Variants in ARHGEF28 observed in about 807,000 individuals in gnomAD.
ARHGEF28 encodes the protein 190 kDa guanine nucleotide exchange factor.
ARHGEF28 carries 152 observed loss-of-function variants against 206.6 expected under a neutral mutation model. The ratio of observed to expected loss-of-function variants is 0.74; its 90% CI spans 0.64 to 0.84. The LOEUF (loss-of-function observed/expected upper bound fraction) is 0.84, where lower values mean the gene tolerates loss of function less well. Ranked by LOEUF, ARHGEF28 falls within the 40% of genes least tolerant of loss-of-function variation. The pLI is 0.00. For synonymous variants in ARHGEF28, 763 were observed against 776.4 expected (o/e 0.98, Z 0.29); for missense variants, 2,028 against 2,073.2 (o/e 0.98, Z 0.42).
intron 11 of ARHGEF28, 96 bp from the exon 12 acceptor site, chr5:73,846,172 G>T (rs552126304): frequency 9.5e-7 from 1 of 1,053,432 alleles, no homozygotes; most frequent in African/African-American, 1.6e-5. Flanking sequence ...CACCCCCCCC[G>T]CCCCAGTGAA....
At chr5:73,932,800 CTTTTTTTTT>C (rs386404110) in intron 35 of ARHGEF28, among the ~76,000 whole-genome samples, 139 of 73,418 alleles carry the variant, frequency 1.9e-3, no homozygotes, top group African/African-American at 7.4e-3. Flanking sequence ...TTTCCTATTT[CTTTTTTTTT>C]TTTTTTTTTT....
intron 1 of ARHGEF28, among the ~76,000 whole-genome samples, chr5:73,656,080 T>C (rs1315560373): frequency 6.6e-6 from 1 of 152,228 alleles, no homozygotes; most frequent in Admixed American, 6.5e-5. Context: ...AGGCAGCACC[T>C]GCTGTTCCAG....
chr5:73,876,892 T>G (rs928287226), intron 22 of ARHGEF28, among the ~76,000 whole-genome samples: 1 of 146,820 alleles, frequency 6.8e-6, no homozygotes, highest in African/African-American at 2.6e-5. Flanking sequence ...CTTTTTTGGT[T>G]GTGTCTCTGC....
At chr5:73,925,294 G>T (rs925421676) in intron 35 of ARHGEF28, among the ~76,000 whole-genome samples, 19 of 152,122 alleles carry the variant, frequency 1.2e-4, no homozygotes, top group Admixed American at 1.3e-4. Flanking sequence ...CCAGCCATAG[G>T]AATTCTGTTC....
chr5:73,723,503 GA>G (rs1328664689), intron 2 of ARHGEF28, among the ~76,000 whole-genome samples: 1 of 152,148 alleles, frequency 6.6e-6, no homozygotes, highest in Non-Finnish European at 1.5e-5. Flanking sequence ...TGTTTTTTAA[GA>G]AAAACAATTT....
chr5:73,750,365 A>G (rs938877585), intron 3 of ARHGEF28, among the ~76,000 whole-genome samples: 1 of 152,028 alleles, frequency 6.6e-6, no homozygotes, highest in Non-Finnish European at 1.5e-5. Context: ...TGACATTGAC[A>G]AAGTTTGTCT....
At chr5:73,781,944 G>T (rs1753872193) in intron 7 of ARHGEF28, among the ~76,000 whole-genome samples, 1 of 152,050 alleles carries the variant, frequency 6.6e-6, no homozygotes. Flanking sequence ...GGTCTGATAG[G>T]GTTGAGAACC....
intron 7 of ARHGEF28, among the ~76,000 whole-genome samples, chr5:73,790,460 G>A (rs2112478322): frequency 6.6e-6 from 1 of 152,276 alleles, no homozygotes; most frequent in Admixed American, 6.5e-5. Flanking sequence ...ACATTTTGGA[G>A]TTGCTTGAGG....
chr5:73,799,021 G>T (rs1044579595), intron 9 of ARHGEF28, among the ~76,000 whole-genome samples: 2 of 152,188 alleles, frequency 1.3e-5, no homozygotes, highest in Non-Finnish European at 2.9e-5. Context: ...GGGAGGCAGA[G>T]GTTGCAGTGA....
chr5:73,764,839 A>G (rs1752808707), intron 4 of ARHGEF28, among the ~76,000 whole-genome samples: 1 of 152,234 alleles, frequency 6.6e-6, no homozygotes, highest in Admixed American at 6.5e-5. Context: ...TTGTTTATCT[A>G]CATGCCAGAG....
In ARHGEF28 at chr5:73,861,379, C is replaced by T. The variant is rs561988984; in HGVS notation, c.2047+3160C>T. Among the ~76,000 whole-genome samples the T allele has an allele frequency of 7.2e-5, 11 of 152,248 alleles. No homozygotes were observed. The South Asian group carries it at 2.3e-3, about 32-fold the overall frequency. ...AGAAGTTATAAGGTTTAAGCAGAAACTTTTTATAATATTACCACTTAGAGA... is the reference window on the plus strand; with the variant it reads ...AGAAGTTATAAGGTTTAAGCAGAAATTTTTTATAATATTACCACTTAGAGA... On this transcript the variant is annotated intron_variant, in intron 16 of 35. Coordinates refer to ENST00000513042, the MANE Select transcript of ARHGEF28 (RefSeq NM_001177693.2).
intron 11 of ARHGEF28, among the ~76,000 whole-genome samples, chr5:73,842,672 A>G (rs1341768267): frequency 2.0e-5 from 3 of 152,172 alleles, no homozygotes; most frequent in African/African-American, 7.2e-5. Flanking sequence ...AATGCATTCT[A>G]GTGGATCTTT....
chr5:73,904,029 C>A, intron 31 of ARHGEF28, 193 bp from the exon 32 acceptor site: 1 of 584,498 alleles, frequency 1.7e-6, no homozygotes, highest in Non-Finnish European at 3.0e-6. Context: ...GCGTGAAGGA[C>A]GCTCTTGTTG....
In ARHGEF28 at chr5:73,894,535, TC is replaced by T. The variant is rs1657285384; in HGVS notation, c.3805del (p.Gln1269ArgfsTer10). Reference sequence around the variant, plus strand: ...TTATTAAACCTGACCCAGGCGAGCCTCCCCAGGCAGCCTCATTACTGGCAGC... The same window carrying T: ...TTATTAAACCTGACCCAGGCGAGCCTCCCAGGCAGCCTCATTACTGGCAGC... ...LLIKPDPGEP[P>X]QAASLLAAAL... On this transcript the variant is annotated frameshift_variant, in exon 29 of 36. Coordinates refer to ENST00000513042, the MANE Select transcript of ARHGEF28 (RefSeq NM_001177693.2). LOFTEE classifies it high-confidence loss of function. 6.2e-7 allele frequency: 1 copy of T among 1,613,574 alleles called. No individual in the cohort carries two copies. Among genetic ancestry groups the T allele is most frequent in the African/African-American group, 1.3e-5 (1 of 74,854 alleles).
chr5:73,692,298 C>A (rs959453016), intron 2 of ARHGEF28, among the ~76,000 whole-genome samples: 2 of 151,966 alleles, frequency 1.3e-5, no homozygotes, highest in Non-Finnish European at 2.9e-5. Context: ...GGCTCTTGCT[C>A]CCTTCCACCC....
intron 2 of ARHGEF28, among the ~76,000 whole-genome samples, chr5:73,733,683 A>T (rs1416322275): frequency 6.6e-6 from 1 of 152,240 alleles, no homozygotes. Context: ...GAAAATCATC[A>T]TTTGACAACT....
intron 7 of ARHGEF28, 61 bp downstream of exon 7, chr5:73,780,806 C>T: frequency 1.3e-6 from 2 of 1,523,214 alleles, no homozygotes; most frequent in Non-Finnish European, 1.8e-6. Flanking sequence ...ACAATCTAAC[C>T]AGTCCGTTGA....
At chr5:73,825,708 A>C (rs2112546912) in intron 9 of ARHGEF28, among the ~76,000 whole-genome samples, 1 of 152,320 alleles carries the variant, frequency 6.6e-6, no homozygotes, top group Non-Finnish European at 1.5e-5. Flanking sequence ...GAGAAAGGTC[A>C]GATTCTGAAT....
intron 2 of ARHGEF28, among the ~76,000 whole-genome samples, chr5:73,726,581 G>A (rs916267116): frequency 5.3e-5 from 8 of 152,176 alleles, no homozygotes; most frequent in Admixed American, 4.6e-4. Context: ...TACAGTATAC[G>A]ATGAACTTAC....
Sources: allele counts gnomAD v4.1 joint callset (sites outside exome capture counted in the v4.1 genomes callset), GRCh38; gene constraint gnomAD v4.1.1; transcripts MANE v1.5; gene names NCBI Gene and HGNC (gene_info 2026-07-23, HGNC 2026-07-21).